Variants in ATXN2L observed in about 807,000 individuals in gnomAD.
ATXN2L encodes ataxin-2-like protein.
Under a neutral mutation model 120.7 loss-of-function variants are expected in ATXN2L, and 24 were observed. That is an observed-to-expected ratio of 0.20 (90% CI 0.14 to 0.28). ATXN2L has a LOEUF of 0.28. Ranked by LOEUF, ATXN2L falls within the 10% of genes least tolerant of loss-of-function variation. ATXN2L has a pLI of 1.00. For missense variants in ATXN2L, 1,312 were observed against 1,432.3 expected, an observed-to-expected ratio of 0.92 and a Z score of 1.36; for synonymous variants, 653 against 568.1, an observed-to-expected ratio of 1.15 and a Z score of -2.13.
Position 28,829,993 on chromosome 16 carries a change from AGAG to A in ATXN2L, c.973_975del (p.Glu325del), listed in dbSNP as rs754044841. The A allele has an allele frequency of 6.2e-7, 1 of 1,614,092 alleles. No homozygotes were observed. The highest frequency in any genetic ancestry group is 2.2e-5 in the East Asian group (1 of 44,892). ...TGGAGAACGACGATGGGCGCACTGA[AGAG>A]GAGAAGCACAGTGCAGTCCAGCGGC... is the stretch of plus-strand genomic sequence containing the variant. On this transcript the variant is annotated inframe_deletion, in exon 8 of 22. Transcript: ENST00000336783.
At position 28,823,524 on chromosome 16, in the gene ATXN2L, G is replaced by A; in HGVS notation, c.265G>A (p.Glu89Lys). ...GCCGCCGCCGCCGCAGCAACACCAGGAGAGGCCGGGGGCAGCCGCCATCGG... is the reference window on the plus strand; with the variant it reads ...GCCGCCGCCGCCGCAGCAACACCAGAAGAGGCCGGGGGCAGCCGCCATCGG... ...PQPPPPQQHQ[E>K]RPGAAAIGSA... The change falls in exon 1 of 22, where the codon GAG (glutamate) becomes AAG (lysine). Residue 89 changes from glutamate to lysine, a missense_variant. Physicochemically the swap from Glu to Lys is moderately conservative, Grantham distance 56 (BLOSUM62 1). Transcript: ENST00000336783. 2 of 1,391,180 alleles carry A rather than the reference G, an allele frequency of 1.4e-6. No homozygotes were observed. Among genetic ancestry groups the A allele is most frequent in the Non-Finnish European group, 1.9e-6 (2 of 1,075,612 alleles). 86.2% of individuals were successfully genotyped at this position (1,391,180 alleles called of 1,614,324 possible). A position where few individuals can be genotyped will look rare whatever the true frequency, so the allele number is the denominator to read the frequency against.
Position 28,830,590 on chromosome 16 carries a change from G to T in ATXN2L, c.1035-25G>T, listed in dbSNP as rs200371951. On this transcript the variant is annotated intron_variant, in intron 8 of 21. Coordinates refer to ENST00000336783, the MANE Select transcript of ATXN2L (RefSeq NM_007245.4). ...CAAAACGTGGGTTTTGTGGCTACCT[G>T]GCCTTATTTGAACTCTTTCCTCAGG... 11 of 1,534,746 alleles carry T rather than the reference G, an allele frequency of 7.2e-6. No homozygotes were observed. The South Asian group carries it at 1.1e-4, about 16-fold the overall frequency.
At chr16:28,826,152 C>T (rs1596866438) in intron 4 of ATXN2L, 88 bp from the exon 5 acceptor site, 1 of 1,509,886 alleles carries the variant, frequency 6.6e-7, no homozygotes, top group Non-Finnish European at 9.1e-7. Context: ...AAGAGAAATC[C>T]AGTTCTATTT....
At chr16:28,834,023 G>T (rs1259062057) in intron 15 of ATXN2L, 42 bp from the exon 16 acceptor site, 11 of 1,601,090 alleles carry the variant, frequency 6.9e-6, no homozygotes, top group Non-Finnish European at 8.5e-6. Flanking sequence ...CAGGAGTAGA[G>T]GGGAAAATAC....
At chr16:28,832,141 A>G (rs763722005) in intron 10 of ATXN2L, 64 bp from the exon 11 acceptor site, 4 of 1,546,240 alleles carry the variant, frequency 2.6e-6, no homozygotes, top group Non-Finnish European at 3.6e-6. Flanking sequence ...GTTTTGAGTA[A>G]GGCCCTTGTA....
rs1411743817 is a variant in ATXN2L, at chr16:28,836,829, C to G, written c.*564C>G. ...CTCCATGAGTGGAGGGAAGAGTGAT[C>G]TATGTCTCTTCCCCCAGCAGCTCGG... On this transcript the variant is annotated 3_prime_UTR_variant, in exon 22 of 22. Transcript: ENST00000336783. The G allele has an allele frequency of 1.9e-6, 3 of 1,607,722 alleles. No individual in the cohort carries two copies. The highest frequency in any genetic ancestry group is 2.6e-6 in the Non-Finnish European group (3 of 1,174,778).
Position 28,824,094 on chromosome 16 carries a change from GGGATGACT to G in ATXN2L, c.299+539_299+546del, listed in dbSNP as rs1388334553. On this transcript the variant is annotated intron_variant, in intron 1 of 21. Transcript: ENST00000336783. Reference sequence around the variant, plus strand: ...CGAGGTGGGCGGGGGGACGGAAGGAGGGATGACTGGGAGGACTGCGGGCCGGGAGCCTC... The same window carrying G: ...CGAGGTGGGCGGGGGGACGGAAGGAGGGGAGGACTGCGGGCCGGGAGCCTC... 4 of 1,009,928 alleles carry G rather than the reference GGGATGACT, an allele frequency of 4.0e-6. No homozygotes were observed. The East Asian group carries it at 4.5e-4, about 113-fold the overall frequency. The allele number at this position is 1,009,928 out of a possible 1,614,324, so 62.6% of individuals were successfully genotyped here. A position where few individuals can be genotyped will look rare whatever the true frequency, so the allele number is the denominator to read the frequency against.
Position 28,836,993 on chromosome 16 carries a change from T to C in ATXN2L, c.*728T>C. The C allele has an allele frequency of 1.5e-6, 1 of 663,830 alleles. No individual in the cohort carries two copies. Among genetic ancestry groups the C allele is most frequent in the Non-Finnish European group, 2.7e-6 (1 of 365,842 alleles). The allele number at this position is 663,830 out of a possible 1,614,324, so 41.1% of individuals were successfully genotyped here. ...GGGGTTCCTGCTCTGCCCCTGCCCG[T>C]CCCCACCCAGTCTTGCCCTCCCATC... On this transcript the variant is annotated 3_prime_UTR_variant, in exon 22 of 22. Transcript: ENST00000336783.
rs763043965 is a variant in ATXN2L at position 28,837,019 on chromosome 16, C to G, written c.*754C>G. ...CCCCACCCAGTCTTGCCCTCCCATCCTCTCATCTATTCCCCCGCTGGAGAC... is the reference window on the plus strand; with the variant it reads ...CCCCACCCAGTCTTGCCCTCCCATCGTCTCATCTATTCCCCCGCTGGAGAC... On this transcript the variant is annotated 3_prime_UTR_variant, in exon 22 of 22. Coordinates refer to ENST00000336783, the MANE Select transcript of ATXN2L (RefSeq NM_007245.4). 4 of 671,262 alleles carry G rather than the reference C, an allele frequency of 6.0e-6. No individual in the cohort carries two copies. The highest frequency in any genetic ancestry group is 2.1e-5 in the Admixed American group (1 of 47,362). The allele number at this position is 671,262 out of a possible 1,614,324, so 41.6% of individuals were successfully genotyped here.
In ATXN2L at chr16:28,833,091, G is replaced by T. The variant is rs373717981; in HGVS notation, c.1692G>T (p.Leu564=). 1 of 1,614,182 alleles carries T rather than the reference G, an allele frequency of 6.2e-7. No homozygotes were observed. Among genetic ancestry groups the T allele is most frequent in the African/African-American group, 1.3e-5 (1 of 75,064 alleles). Residue 564 remains leucine (L), a synonymous_variant, in exon 14 of 22, where the codon CTG becomes CTT. Transcript: ENST00000336783. ...LQPSSSPENS[L]DPFPPRILKE... ...CCAGTAGCTCCCCTGAGAACAGCCT[G>T]GATCCTTTTCCTCCCCGGATCTTAA...
At position 28,837,189 on chromosome 16, in the gene ATXN2L, A is replaced by G. The variant is rs1961310191; in HGVS notation, c.*924A>G. 1.2e-5 allele frequency: 2 copies of G among 172,786 alleles called. No homozygotes were observed. The highest frequency in any genetic ancestry group is 1.7e-4 in the East Asian group (1 of 5,846). The allele number at this position is 172,786 out of a possible 1,614,324, so 10.7% of individuals were successfully genotyped here. A position where few individuals can be genotyped will look rare whatever the true frequency, so the allele number is the denominator to read the frequency against. ...CAAGGACTTTTACTTTTTATTACAT[A>G]AAAATATTAAAAAATAAATAAAAAA... On this transcript the variant is annotated 3_prime_UTR_variant, in exon 22 of 22. Coordinates refer to ENST00000336783, the MANE Select transcript of ATXN2L (RefSeq NM_007245.4).
rs1342329834 is a variant in ATXN2L at position 28,836,482 on chromosome 16, C to T, written c.*217C>T. On this transcript the variant is annotated 3_prime_UTR_variant, in exon 22 of 22. Transcript: ENST00000336783. ...GACCCCGACTGTCTCCTGACTTAGC[C>T]GAGGTAAGGTCAGTGCAGCAGACAG... 13 of 1,609,786 alleles carry T rather than the reference C, an allele frequency of 8.1e-6. No homozygotes were observed. The highest frequency in any genetic ancestry group is 3.3e-5 in the Admixed American group (2 of 59,748).
intron 6 of ATXN2L, among the ~76,000 whole-genome samples, chr16:28,828,369 C>G (rs2053029321): frequency 6.6e-6 from 1 of 152,090 alleles, no homozygotes; most frequent in African/African-American, 2.4e-5. Context: ...GGCAGATCAC[C>G]TGAGGTTGGG....
intron 1 of ATXN2L, chr16:28,824,404 C>G: frequency 7.8e-7 from 1 of 1,275,738 alleles, no homozygotes; most frequent in Non-Finnish European, 1.0e-6. Flanking sequence ...AGGCGCAGAC[C>G]GGGCGAGGCC....
chr16:28,836,603 GA>G lies in ATXN2L; in HGVS notation c.*339del. On this transcript the variant is annotated 3_prime_UTR_variant, in exon 22 of 22. Transcript: ENST00000336783. ...TTGACCTGTGCTTCTGACAGCCCCCGAGACACCTTGAGGAGGCCGCTCCTTC... is the reference window on the plus strand; with the variant it reads ...TTGACCTGTGCTTCTGACAGCCCCCGGACACCTTGAGGAGGCCGCTCCTTC... 6.3e-7 allele frequency: 1 copy of G among 1,583,810 alleles called. No homozygotes were observed. The highest frequency in any genetic ancestry group is 8.6e-7 in the Non-Finnish European group (1 of 1,167,696).
intron 15 of ATXN2L, 68 bp downstream of exon 15, chr16:28,833,576 A>G: frequency 6.8e-7 from 1 of 1,476,664 alleles, no homozygotes; most frequent in Admixed American, 1.7e-5. Flanking sequence ...TTATAGATGA[A>G]TAGGGGGAGG....
chr16:28,824,743 A>G (rs2051164938), intron 1 of ATXN2L: 1 of 341,220 alleles, frequency 2.9e-6, no homozygotes, highest in South Asian at 3.2e-5. Flanking sequence ...TTTGGTTAAT[A>G]CTGTAGCATT....
chr16:28,836,669 G>A lies in ATXN2L; in HGVS notation c.*404G>A. 1 of 1,613,268 alleles carries A rather than the reference G, an allele frequency of 6.2e-7. No individual in the cohort carries two copies. Among genetic ancestry groups the A allele is most frequent in the Admixed American group, 1.7e-5 (1 of 59,916 alleles). Reference sequence around the variant, plus strand: ...ACGCCCCCACTGGACGGCATTGGAGGAAGGGACAGCTGCTTGGGTTCTAAT... The same window carrying A: ...ACGCCCCCACTGGACGGCATTGGAGAAAGGGACAGCTGCTTGGGTTCTAAT... On this transcript the variant is annotated 3_prime_UTR_variant, in exon 22 of 22. Transcript: ENST00000336783.
chr16:28,829,669 T>A, intron 7 of ATXN2L, 177 bp downstream of exon 7: 1 of 769,346 alleles, frequency 1.3e-6, no homozygotes, highest in Non-Finnish European at 2.1e-6. Flanking sequence ...GCGTCTTAAG[T>A]GCTTCTCACA....
Sources: allele counts gnomAD v4.1 joint callset (sites outside exome capture counted in the v4.1 genomes callset), GRCh38; gene constraint gnomAD v4.1.1; transcripts MANE v1.5; gene names NCBI Gene and HGNC (gene_info 2026-07-23, HGNC 2026-07-21).